Variants in RNF166 observed in about 807,000 individuals in gnomAD.
RNF166 encodes E3 ubiquitin-protein ligase RNF166.
In RNF166, 19 loss-of-function variants were observed where a neutral mutation model predicts 29.4. The ratio of observed to expected loss-of-function variants is 0.65; its 90% CI spans 0.45 to 0.95. RNF166 has a LOEUF of 0.95. RNF166 is among the 40% of genes least tolerant of loss of function. RNF166 has a pLI of 0.00. For missense variants in RNF166, 347 were observed against 322.1 expected (o/e 1.08, Z -0.59); for synonymous variants, 171 against 134.5 (o/e 1.27, Z -1.88).
rs555663136 is a variant in RNF166, at chr16:88,704,317, G to A, written c.155+1854C>T. On this transcript the variant is annotated intron_variant, in intron 1 of 5. Transcript: ENST00000312838. ...AAAAGCCAGCAGGAAAAGTCGGGGA[G>A]AAAAATCTTTGAAAGGCAAAGGCTG... is the stretch of plus-strand genomic sequence containing the variant. 2.3e-5 allele frequency: 23 copies of A among 985,440 alleles called. No individual in the cohort carries two copies. In the Admixed American group the frequency reaches 3.1e-4, roughly 13 times the overall value. The allele number at this position is 985,440 out of a possible 1,614,324, so 61.0% of individuals were successfully genotyped here.
chr16:88,701,991 G>A (rs1202233678), intron 1 of RNF166, among the ~76,000 whole-genome samples: 1 of 152,222 alleles, frequency 6.6e-6, no homozygotes, highest in South Asian at 2.1e-4. Context: ...AGGCAGGAGG[G>A]GGTCCTGCTC....
At chr16:88,699,913 T>G (rs1286854083) in intron 2 of RNF166, 181 bp from the exon 3 acceptor site, 5 of 515,622 alleles carry the variant, frequency 9.7e-6, no homozygotes, top group South Asian at 5.3e-5. Flanking sequence ...CAGCCACTAC[T>G]CCATGGCCAA....
intron 1 of RNF166, chr16:88,702,883 A>G: frequency 1.0e-6 from 1 of 985,508 alleles, no homozygotes; most frequent in Non-Finnish European, 1.2e-6. Flanking sequence ...TCACGGGAGG[A>G]AGGTGCTGGC....
chr16:88,697,542 A>C lies in RNF166; in HGVS notation c.*26T>G, dbSNP rs1294338854. 4 of 1,535,882 alleles carry C rather than the reference A, an allele frequency of 2.6e-6. No homozygotes were observed. In the South Asian group the frequency reaches 4.8e-5, roughly 18 times the overall value. ...GGAGCGGGGACATCCCTGACCCCAGACGCAGGCGGGTGGCTGCGCTTCCCT... is the reference window on the plus strand; with the variant it reads ...GGAGCGGGGACATCCCTGACCCCAGCCGCAGGCGGGTGGCTGCGCTTCCCT... On this transcript the variant is annotated 3_prime_UTR_variant, in exon 6 of 6. Coordinates refer to ENST00000312838, the MANE Select transcript of RNF166 (RefSeq NM_178841.4).
chr16:88,702,680 T>C, intron 1 of RNF166: 2 of 985,174 alleles, frequency 2.0e-6, no homozygotes, highest in Non-Finnish European at 2.4e-6. Context: ...CACATGAAAC[T>C]TCGTGTGAGA....
chr16:88,703,049 C>G, intron 1 of RNF166: 4 of 985,490 alleles, frequency 4.1e-6, no homozygotes, highest in Non-Finnish European at 4.8e-6. Flanking sequence ...AAGAGGCGTG[C>G]AGCCCCACCA....
chr16:88,700,779 C>G, intron 2 of RNF166: 1 of 1,011,160 alleles, frequency 9.9e-7, no homozygotes, highest in Non-Finnish European at 1.2e-6. Context: ...GCTGCAGGCC[C>G]TTACGCTGCT....
In RNF166 at chr16:88,698,531, G is replaced by A; in HGVS notation, c.619C>T (p.Arg207Ter). Residue 207 changes from arginine to a stop codon, truncating the protein, a stop_gained, in exon 5 of 6, where the codon CGA becomes TGA. Coordinates refer to ENST00000312838, the MANE Select transcript of RNF166 (RefSeq NM_178841.4). LOFTEE classifies it high-confidence loss of function. ...SANFLQHLLH[R>*]HKFSYDTFVD... ...AAGGTGTCGTAGGAGAACTTGTGTC[G>A]GTGAAGCAGGTGCTGCAGGAAGTTG... 2 of 1,573,660 alleles carry A rather than the reference G, an allele frequency of 1.3e-6. No homozygotes were observed. Among genetic ancestry groups the A allele is most frequent in the Non-Finnish European group, 1.7e-6 (2 of 1,159,252 alleles).
At position 88,701,397 on chromosome 16, in the gene RNF166, C is replaced by T. The variant is rs1255438438; in HGVS notation, c.177G>A (p.Gln59=). The T allele has an allele frequency of 3.1e-6, 5 of 1,604,178 alleles. No homozygotes were observed. The East Asian group carries it at 6.7e-5, about 21-fold the overall frequency. ...CGHTFCGECL[Q]PCLQVPSPLC... is the part of the protein sequence containing the mutation. The stretch of plus-strand genomic sequence containing the variant: ...GCGGGGATGGCACCTGCAGGCAGGG[C>T]TGGAGACACTCCCCGCAGAACCTGC... The change falls in exon 2 of 6, where the codon CAG becomes CAA. Residue 59 remains glutamine, a synonymous_variant. Coordinates refer to ENST00000312838, the MANE Select transcript of RNF166 (RefSeq NM_178841.4).
intron 2 of RNF166, chr16:88,701,061 G>T: frequency 7.6e-7 from 1 of 1,318,462 alleles, no homozygotes; most frequent in Non-Finnish European, 1.0e-6. Context: ...TGGCCCCCCC[G>T]TCAGCCGTCA....
At chr16:88,703,384 C>A (rs1013285849) in intron 1 of RNF166, 1 of 985,314 alleles carries the variant, frequency 1.0e-6, no homozygotes, top group African/African-American at 1.7e-5. Context: ...GAAAAGGGTC[C>A]CAGGCAGAGC....
chr16:88,705,093 G>A (rs1442779051), intron 1 of RNF166, among the ~76,000 whole-genome samples: 1 of 152,250 alleles, frequency 6.6e-6, no homozygotes, highest in Non-Finnish European at 1.5e-5. Flanking sequence ...AAGAGAAGTA[G>A]GTAGAGCTGT....
intron 1 of RNF166, among the ~76,000 whole-genome samples, chr16:88,702,094 T>C (rs1405742608): frequency 6.6e-6 from 1 of 151,870 alleles, no homozygotes; most frequent in Non-Finnish European, 1.5e-5. Context: ...AGACTGAGCG[T>C]CCCACAGCCC....
At chr16:88,704,824 T>A (rs1229238200) in intron 1 of RNF166, among the ~76,000 whole-genome samples, 2 of 152,138 alleles carry the variant, frequency 1.3e-5, no homozygotes, top group Non-Finnish European at 2.9e-5. Flanking sequence ...ACCCCTTGTC[T>A]ACTAAAAATA....
chr16:88,702,836 C>G, intron 1 of RNF166: 1 of 985,516 alleles, frequency 1.0e-6, no homozygotes, highest in South Asian at 4.7e-5. Context: ...GCACTGACCC[C>G]TGGATTTGAG....
chr16:88,705,402 A>C (rs141048414), intron 1 of RNF166, among the ~76,000 whole-genome samples: 59 of 152,314 alleles, frequency 3.9e-4, no homozygotes, highest in Non-Finnish European at 7.8e-4. Context: ...GAGCTGTATT[A>C]TTCAGCACTT....
chr16:88,697,909 A>T, intron 5 of RNF166: 1 of 488,888 alleles, frequency 2.0e-6, no homozygotes, highest in Non-Finnish European at 3.7e-6. Context: ...TTCCGAGGTG[A>T]GCAGGCCGGC....
intron 2 of RNF166, 87 bp from the exon 3 acceptor site, chr16:88,699,819 C>G: frequency 1.1e-6 from 1 of 871,134 alleles, no homozygotes; most frequent in Non-Finnish European, 1.8e-6. Flanking sequence ...TGTCCAGGAC[C>G]AGAGAACTGT....
chr16:88,705,068 C>T (rs957700669), intron 1 of RNF166, among the ~76,000 whole-genome samples: 2 of 152,232 alleles, frequency 1.3e-5, no homozygotes, highest in African/African-American at 4.8e-5. Context: ...GGGGCAGAGC[C>T]TGTAGCAGCC....
Sources: allele counts gnomAD v4.1 joint callset (sites outside exome capture counted in the v4.1 genomes callset), GRCh38; gene constraint gnomAD v4.1.1; transcripts MANE v1.5; gene names NCBI Gene and HGNC (gene_info 2026-07-23, HGNC 2026-07-21).